Variants in KIAA1217 observed in about 807,000 individuals in gnomAD.
KIAA1217 encodes the protein sickle tail protein homolog.
A neutral mutation model predicts 163.9 loss-of-function variants in KIAA1217; 88 were observed. The observed-to-expected ratio is 0.54, with a 90% CI of 0.45 to 0.64. The LOEUF is 0.64. KIAA1217 is among the 30% of genes least tolerant of loss of function. The pLI is 0.00. For missense variants in KIAA1217, 2,372 were observed against 2,475.0 expected, an observed-to-expected ratio of 0.96 and a Z score of 0.88; for synonymous variants, 903 against 923.1, an observed-to-expected ratio of 0.98 and a Z score of 0.39.
chr10:24,276,608 C>CTTTT (rs35622932), intron 2 of KIAA1217, among the ~76,000 whole-genome samples: 1 of 138,114 alleles, frequency 7.2e-6, no homozygotes, highest in African/African-American at 2.8e-5. Flanking sequence ...TCAAGTCCAG[C>CTTTT]TTTTTTTTTT....
intron 1 of KIAA1217, among the ~76,000 whole-genome samples, chr10:23,743,867 A>G (rs138012710): frequency 6.6e-6 from 1 of 151,332 alleles, no homozygotes; most frequent in Non-Finnish European, 1.5e-5. Flanking sequence ...GGTTAATAGG[A>G]CCATGTTTTT....
chr10:23,888,677 T>C (rs1395932858), intron 1 of KIAA1217, among the ~76,000 whole-genome samples: 1 of 151,906 alleles, frequency 6.6e-6, no homozygotes, highest in Non-Finnish European at 1.5e-5. Flanking sequence ...ACCAAGGCAA[T>C]TCTGCTAATT....
chr10:24,356,337 C>A (rs1415670420), intron 2 of KIAA1217, among the ~76,000 whole-genome samples: 1 of 152,154 alleles, frequency 6.6e-6, no homozygotes, highest in Non-Finnish European at 1.5e-5. Context: ...AGTAAAACAG[C>A]ATCGAATGCT....
rs1592754432 is a variant in KIAA1217, at chr10:24,536,858, A to G, written c.3499A>G (p.Arg1167Gly). Residue 1167 changes from arginine to glycine, a missense_variant, in exon 17 of 21, where the codon AGG (arginine) becomes GGG (glycine). This residue lies in a region of KIAA1217 where 251 missense variants were observed against 327.3 expected (regional missense o/e 0.77). Coordinates refer to ENST00000376454, the MANE Select transcript of KIAA1217 (RefSeq NM_019590.5). Reference protein sequence around the residue: ...SRADSHVKDTRSGATVPPKEK... With the variant: ...SRADSHVKDTGSGATVPPKEK... ...GGCTGACAGTCACGTTAAAGACACT[A>G]GGTCGGGCGCCACAGTGCCACCCAA... is the stretch of plus-strand genomic sequence containing the variant. 6.2e-7 allele frequency: 1 copy of G among 1,614,110 alleles called. No homozygotes were observed. The highest frequency in any genetic ancestry group is 8.5e-7 in the Non-Finnish European group (1 of 1,179,988).
At chr10:24,474,632 G>A (rs1414597440) in intron 6 of KIAA1217, among the ~76,000 whole-genome samples, 2 of 152,164 alleles carry the variant, frequency 1.3e-5, no homozygotes, top group Non-Finnish European at 2.9e-5. Flanking sequence ...TAGGAGTGGT[G>A]CTGAAATCAG....
chr10:24,402,531 A>AAAC (rs1554849380), intron 3 of KIAA1217, among the ~76,000 whole-genome samples: 4 of 148,926 alleles, frequency 2.7e-5, no homozygotes, highest in African/African-American at 1.0e-4. Context: ...AACAAAACAA[A>AAAC]AAAAAAAAAA....
chr10:24,174,381 A>G (rs948498557), intron 2 of KIAA1217, among the ~76,000 whole-genome samples: 3 of 152,176 alleles, frequency 2.0e-5, no homozygotes, highest in Admixed American at 2.0e-4. Flanking sequence ...GGGAGAGGAG[A>G]GTATTTTTCC....
intron 1 of KIAA1217, among the ~76,000 whole-genome samples, chr10:23,903,525 T>C (rs1020498246): frequency 4.0e-4 from 61 of 151,980 alleles, no homozygotes; most frequent in African/African-American, 1.3e-3. Flanking sequence ...AGAAGGAAGA[T>C]TGGACAAAAA....
At chr10:23,757,161 G>A (rs182606688) in intron 1 of KIAA1217, among the ~76,000 whole-genome samples, 17 of 152,022 alleles carry the variant, frequency 1.1e-4, no homozygotes, top group East Asian at 3.9e-4. Context: ...TAGTTATTGC[G>A]ATTAATGCTT....
chr10:23,860,936 T>C (rs1488865752), intron 1 of KIAA1217, among the ~76,000 whole-genome samples: 1 of 151,800 alleles, frequency 6.6e-6, no homozygotes, highest in Admixed American at 6.6e-5. Context: ...TTTTTTGAGA[T>C]GGAATCTTGC....
At chr10:23,904,727 T>G (rs977117123) in intron 1 of KIAA1217, among the ~76,000 whole-genome samples, 1 of 152,220 alleles carries the variant, frequency 6.6e-6, no homozygotes. Flanking sequence ...AGGTACAATC[T>G]TGTGGCCCAG....
chr10:24,424,842 C>T (rs1240854476), intron 3 of KIAA1217, among the ~76,000 whole-genome samples: 4 of 152,190 alleles, frequency 2.6e-5, no homozygotes, highest in Non-Finnish European at 5.9e-5. Context: ...ACCTTGTGAT[C>T]TGCCCACCTC....
intron 2 of KIAA1217, among the ~76,000 whole-genome samples, chr10:24,046,321 T>C (rs1849023174): frequency 1.3e-5 from 2 of 152,130 alleles, no homozygotes; most frequent in Admixed American, 6.6e-5. Flanking sequence ...ATACACTGAC[T>C]CATATAGTCC....
chr10:24,383,743 G>T (rs1031395156), intron 3 of KIAA1217, among the ~76,000 whole-genome samples: 3 of 152,202 alleles, frequency 2.0e-5, no homozygotes, highest in African/African-American at 4.8e-5. Context: ...TCTGGTTCCA[G>T]AAAATGAGGC....
chr10:24,538,878 C>T (rs148817518), intron 17 of KIAA1217, among the ~76,000 whole-genome samples: 8,738 of 151,272 alleles, frequency 0.058, 707 homozygotes, highest in African/African-American at 0.18. Flanking sequence ...GGATTACAGG[C>T]GCCTGCCACC....
intron 10 of KIAA1217, among the ~76,000 whole-genome samples, chr10:24,514,466 A>G (rs1326918877): frequency 6.6e-6 from 1 of 150,956 alleles, no homozygotes. Flanking sequence ...TCAGCAGTCT[A>G]GAGGGAAAAA....
At chr10:24,472,270 G>A (rs1185625267) in intron 5 of KIAA1217, among the ~76,000 whole-genome samples, 1 of 152,126 alleles carries the variant, frequency 6.6e-6, no homozygotes, top group Non-Finnish European at 1.5e-5. Context: ...ACAGTTCAAA[G>A]CTGTGTTCTT....
intron 2 of KIAA1217, among the ~76,000 whole-genome samples, chr10:24,072,109 T>A (rs2061208797): frequency 6.6e-6 from 1 of 152,112 alleles, no homozygotes; most frequent in South Asian, 2.1e-4. Flanking sequence ...TATTGCAGCC[T>A]TGTACTCCTG....
chr10:23,925,020 C>T (rs1842969810), intron 1 of KIAA1217, among the ~76,000 whole-genome samples: 1 of 151,670 alleles, frequency 6.6e-6, no homozygotes, highest in Non-Finnish European at 1.5e-5. Flanking sequence ...CCTGTTTTTC[C>T]CATTGTACAG....
Sources: gnomAD v4.1 joint callset for allele counts (sites outside exome capture counted in the v4.1 genomes callset) on GRCh38, gnomAD v4.1.1 for gene constraint, gnomAD v4.1.1 regional missense constraint, MANE v1.5 for transcripts, NCBI Gene and HGNC (gene_info 2026-07-23, HGNC 2026-07-21) for gene names.